Variants in CARMIL1 observed in about 807,000 individuals in gnomAD.
CARMIL1 encodes the protein F-actin-uncapping protein LRRC16A.
Under a neutral mutation model 177.1 loss-of-function variants are expected in CARMIL1, and 90 were observed. The ratio of observed to expected loss-of-function variants is 0.51; its 90% CI spans 0.43 to 0.61. The LOEUF (loss-of-function observed/expected upper bound fraction) is 0.61. Ranked by LOEUF, CARMIL1 falls within the 20% of genes least tolerant of loss-of-function variation. The probability of loss-of-function intolerance (pLI) is 0.00; values close to 1 mark genes in which losing one functional copy is unlikely to be tolerated. For synonymous variants in CARMIL1, 577 were observed against 606.2 expected, an observed-to-expected ratio of 0.95 and a Z score of 0.71; for missense variants, 1,380 against 1,667.0, an observed-to-expected ratio of 0.83 and a Z score of 3.00.
chr6:25,540,954 G>T (rs952057860), intron 26 of CARMIL1, among the ~76,000 whole-genome samples: 23 of 152,148 alleles, frequency 1.5e-4, no homozygotes, highest in African/African-American at 5.6e-4. Context: ...AATACAGAGG[G>T]ACTCTGTGTA....
chr6:25,381,089 A>T (rs1791482999), intron 2 of CARMIL1, among the ~76,000 whole-genome samples: 1 of 152,218 alleles, frequency 6.6e-6, no homozygotes, highest in Non-Finnish European at 1.5e-5. Flanking sequence ...TTGATTCCAG[A>T]GGTTGTGTTT....
chr6:25,361,592 A>G (rs1047431644), intron 2 of CARMIL1, among the ~76,000 whole-genome samples: 30 of 152,298 alleles, frequency 2.0e-4, no homozygotes, highest in African/African-American at 7.0e-4. Context: ...AAGGAATTTC[A>G]GGATTTATAG....
intron 4 of CARMIL1, among the ~76,000 whole-genome samples, chr6:25,434,326 T>C (rs891737069): frequency 1.3e-5 from 2 of 152,180 alleles, no homozygotes; most frequent in Non-Finnish European, 2.9e-5. Flanking sequence ...TGTCCTCCTT[T>C]TCACAAGTTA....
At chr6:25,557,972 G>A (rs1810777082) in intron 29 of CARMIL1, among the ~76,000 whole-genome samples, 1 of 152,130 alleles carries the variant, frequency 6.6e-6, no homozygotes, top group South Asian at 2.1e-4. Context: ...AAATAAGGCT[G>A]AAAAACAGTT....
chr6:25,447,415 T>C (rs979996910), intron 5 of CARMIL1, among the ~76,000 whole-genome samples: 1 of 152,152 alleles, frequency 6.6e-6, no homozygotes, highest in Admixed American at 6.5e-5. Context: ...AATCAGAAAA[T>C]GTAAATAACT....
At position 25,578,604 on chromosome 6, in the gene CARMIL1, G is replaced by C. The variant is rs576854056; in HGVS notation, c.2743-2320G>C. 1.2e-4 allele frequency among the ~76,000 whole-genome samples: 18 copies of C among 151,466 alleles called. 1 individual carries two copies. In the East Asian group the frequency reaches 1.5e-3, roughly 13 times the overall value. On this transcript the variant is annotated intron_variant, in intron 29 of 36. Coordinates refer to ENST00000329474, the MANE Select transcript of CARMIL1 (RefSeq NM_017640.6). Reference sequence around the variant, plus strand: ...AAAAATATGGGAGAAATGAGATTGAGTTTTTTTTTCTCTGTTGTTGCACTT... The same window carrying C: ...AAAAATATGGGAGAAATGAGATTGACTTTTTTTTTCTCTGTTGTTGCACTT...
At chr6:25,467,464 A>C (rs1170741723) in intron 9 of CARMIL1, among the ~76,000 whole-genome samples, 1 of 152,212 alleles carries the variant, frequency 6.6e-6, no homozygotes, top group Non-Finnish European at 1.5e-5. Context: ...GTGAATTTCA[A>C]AATGGGGCCT....
intron 27 of CARMIL1, among the ~76,000 whole-genome samples, chr6:25,552,178 C>T (rs1267923374): frequency 6.6e-6 from 1 of 152,108 alleles, no homozygotes; most frequent in African/African-American, 2.4e-5. Context: ...AGATTAGTGA[C>T]TTTATAAACT....
In CARMIL1 at chr6:25,441,337, A is replaced by ATATATATATATATATGTGTG; in HGVS notation, c.371+5734_371+5735insATATATATATATATGTGTGT. 4.2e-3 allele frequency among the ~76,000 whole-genome samples: 401 copies of ATATATATATATATATGTGTG among 94,496 alleles called. 4 individuals are homozygous for ATATATATATATATATGTGTG. Among genetic ancestry groups the ATATATATATATATATGTGTG allele is most frequent in the South Asian group, 0.012 (30 of 2,422 alleles). 62.0% of individuals were successfully genotyped at this position (94,496 alleles called of 152,430 possible). ...CAAACAAACATATATATATATATAT[A>ATATATATATATATATGTGTG]TGTGTGTGTGTGTGTGTGTGTGTGT... On this transcript the variant is annotated intron_variant, in intron 5 of 36. Coordinates refer to ENST00000329474, the MANE Select transcript of CARMIL1 (RefSeq NM_017640.6).
At chr6:25,425,351 C>T (rs976922017) in intron 3 of CARMIL1, among the ~76,000 whole-genome samples, 11 of 152,094 alleles carry the variant, frequency 7.2e-5, no homozygotes, top group African/African-American at 2.4e-4. Context: ...ACTTCCCTCC[C>T]CACTATTAAT....
chr6:25,511,905 C>A (rs1425394708), intron 20 of CARMIL1, among the ~76,000 whole-genome samples: 3 of 152,142 alleles, frequency 2.0e-5, no homozygotes, highest in Admixed American at 6.5e-5. Flanking sequence ...CTTCTCCTTA[C>A]CCTCATTTGC....
intron 23 of CARMIL1, among the ~76,000 whole-genome samples, chr6:25,523,135 C>T (rs111667242): frequency 6.6e-6 from 1 of 150,994 alleles, no homozygotes; most frequent in Admixed American, 6.6e-5. Flanking sequence ...GAATAGAAGA[C>T]AATATGATTG....
chr6:25,482,422 T>TA, intron 12 of CARMIL1, 79 bp downstream of exon 12: 1 of 630,442 alleles, frequency 1.6e-6, no homozygotes, highest in Middle Eastern at 2.8e-4. Flanking sequence ...AATTATTTGT[T>TA]ACATTTAAAA....
intron 2 of CARMIL1, among the ~76,000 whole-genome samples, chr6:25,414,187 T>C (rs1055494705): frequency 2.0e-4 from 30 of 152,300 alleles, no homozygotes; most frequent in South Asian, 1.5e-3. Flanking sequence ...TGTAATTCTG[T>C]AATCTCTAAC....
chr6:25,609,515 T>C (rs900005980), intron 35 of CARMIL1, among the ~76,000 whole-genome samples: 7 of 151,868 alleles, frequency 4.6e-5, no homozygotes, highest in Non-Finnish European at 8.8e-5. Context: ...TATTTAGTCA[T>C]CTTTTTCGTT....
chr6:25,374,949 C>T (rs932711357), intron 2 of CARMIL1, among the ~76,000 whole-genome samples: 5 of 152,036 alleles, frequency 3.3e-5, no homozygotes, highest in Non-Finnish European at 7.4e-5. Flanking sequence ...AGCAGATATT[C>T]GATTTGTAAC....
chr6:25,364,572 C>CTTCTTTTTTTTTTT (rs556207628), intron 2 of CARMIL1, among the ~76,000 whole-genome samples: 53 of 150,576 alleles, frequency 3.5e-4, no homozygotes, highest in African/African-American at 1.2e-3. Flanking sequence ...TCTTTTTCTT[C>CTTCTTTTTTTTTTT]TTTTTTTTGA....
rs1798666560 is a variant in CARMIL1 at position 25,450,371 on chromosome 6, G to A, written c.502G>A (p.Asp168Asn). Residue 168 changes from aspartate to asparagine, a missense_variant, in exon 7 of 37, where the codon GAC (aspartate) becomes AAC (asparagine). Physicochemically the swap from Asp to Asn is conservative, Grantham distance 23. Coordinates refer to ENST00000329474, the MANE Select transcript of CARMIL1 (RefSeq NM_017640.6). ...GFSQMYACVC[D>N]WLGFSYREEV... ...TTCTCAGATGTATGCCTGTGTTTGT[G>A]ACTGGCTTGGATTTTCATACAGGGA... 1 of 1,613,694 alleles carries A rather than the reference G, an allele frequency of 6.2e-7. No individual in the cohort carries two copies. Among genetic ancestry groups the A allele is most frequent in the Non-Finnish European group, 8.5e-7 (1 of 1,179,796 alleles).
intron 2 of CARMIL1, among the ~76,000 whole-genome samples, chr6:25,292,760 C>T (rs113310783): frequency 1.0e-3 from 156 of 152,198 alleles, no homozygotes; most frequent in African/African-American, 3.5e-3. Context: ...TTTAGCCACC[C>T]TTGGACCAGG....
Sources: gnomAD v4.1 joint callset for allele counts (sites outside exome capture counted in the v4.1 genomes callset) on GRCh38, gnomAD v4.1.1 for gene constraint, MANE v1.5 for transcripts, NCBI Gene and HGNC (gene_info 2026-07-23, HGNC 2026-07-21) for gene names.